The following DAB1 variants were observed in gnomAD, a reference collection of about 807,000 sequenced individuals.
The protein encoded by DAB1 is disabled homolog 1.
DAB1 carries 15 observed loss-of-function variants against 64.6 expected under a neutral mutation model. The ratio of observed to expected loss-of-function variants is 0.23; its 90% CI spans 0.16 to 0.36. The LOEUF (loss-of-function observed/expected upper bound fraction) is 0.36, where lower values mean the gene tolerates loss of function less well. DAB1 is among the 10% of genes least tolerant of loss of function. The pLI, the probability that DAB1 is intolerant of heterozygous loss-of-function variation, is 1.00. For missense variants in DAB1, 596 were observed against 706.7 expected, an observed-to-expected ratio of 0.84 and a Z score of 1.78; for synonymous variants, 235 against 251.9, an observed-to-expected ratio of 0.93 and a Z score of 0.64.
chr1:57,399,250 G>A (rs954829340), intron 1 of DAB1, among the ~76,000 whole-genome samples: 1 of 152,112 alleles, frequency 6.6e-6, no homozygotes, highest in African/African-American at 2.4e-5. Flanking sequence ...TGTGGACAGC[G>A]ACTGAATCTT....
chr1:57,233,429 A>G (rs994884204), intron 2 of DAB1, among the ~76,000 whole-genome samples: 1 of 150,208 alleles, frequency 6.7e-6, no homozygotes, highest in African/African-American at 2.4e-5. Flanking sequence ...CGCCTGGCTA[A>G]TTTTTTGCTT....
chr1:57,526,621 C>T (rs574778624), intron 7 of DAB1, among the ~76,000 whole-genome samples: 1 of 152,274 alleles, frequency 6.6e-6, no homozygotes, highest in African/African-American at 2.4e-5. Flanking sequence ...CTGAAGTGAT[C>T]CATTTATTGA....
chr1:57,050,566 C>G (rs1430988376), intron 9 of DAB1, among the ~76,000 whole-genome samples: 6 of 152,178 alleles, frequency 3.9e-5, no homozygotes, highest in Non-Finnish European at 8.8e-5. Context: ...GAATACTGTT[C>G]CACCCTTTCT....
At chr1:58,241,567 T>C (rs112247460) in intron 4 of DAB1, among the ~76,000 whole-genome samples, 103 of 152,006 alleles carry the variant, frequency 6.8e-4, no homozygotes, top group African/African-American at 2.3e-3. Context: ...TCATATATAA[T>C]GTAGATGAAA....
chr1:58,135,945 C>G (rs1653918925), intron 5 of DAB1, among the ~76,000 whole-genome samples: 1 of 152,150 alleles, frequency 6.6e-6, no homozygotes, highest in African/African-American at 2.4e-5. Flanking sequence ...TTCAGTTACC[C>G]TCTCTGCGGT....
At chr1:58,494,767 C>T (rs1050924243) in intron 3 of DAB1, among the ~76,000 whole-genome samples, 1 of 152,082 alleles carries the variant, frequency 6.6e-6, no homozygotes, top group Admixed American at 6.5e-5. Context: ...AGTCAGGAAA[C>T]TACAGGTGCT....
Position 57,011,221 on chromosome 1 carries a change from T to G in DAB1, c.1496A>C (p.His499Pro). ...QSSPSKSSAS[H>P]ASDPTTDDIF... is the part of the protein sequence containing the mutation. The stretch of plus-strand genomic sequence containing the variant: ...GTCATCTGTGGTAGGATCACTGGCA[T>G]GGGATGCAGATGATTTGGATGGAGA... The change falls in exon 13 of 15, where the codon CAT (histidine) becomes CCT (proline). Residue 499 changes from histidine to proline, a missense_variant. By Grantham distance (77) the His-to-Pro change is moderately conservative. Coordinates refer to ENST00000371236, the MANE Select transcript of DAB1 (RefSeq NM_001365792.1). 1 of 1,614,056 alleles carries G rather than the reference T, an allele frequency of 6.2e-7. No individual in the cohort carries two copies. Among genetic ancestry groups the G allele is most frequent in the Non-Finnish European group, 8.5e-7 (1 of 1,179,914 alleles).
intron 4 of DAB1, among the ~76,000 whole-genome samples, chr1:57,096,051 C>A (rs1376745036): frequency 1.3e-5 from 2 of 152,142 alleles, no homozygotes; most frequent in African/African-American, 4.8e-5. Flanking sequence ...ATGCTAAGAA[C>A]TTTGATGCAT....
intron 2 of DAB1, among the ~76,000 whole-genome samples, chr1:57,174,230 C>T (rs190333711): frequency 6.6e-6 from 1 of 152,086 alleles, no homozygotes; most frequent in South Asian, 2.1e-4. Flanking sequence ...CATGACTTAC[C>T]CCACCCTCTC....
intron 3 of DAB1, among the ~76,000 whole-genome samples, chr1:58,492,614 A>G (rs1645717714): frequency 6.6e-6 from 1 of 152,204 alleles, no homozygotes; most frequent in Admixed American, 6.5e-5. Flanking sequence ...AATACAAACT[A>G]CCATCAGAGA....
intron 4 of DAB1, among the ~76,000 whole-genome samples, chr1:58,272,609 A>G (rs1661332413): frequency 1.6e-5 from 2 of 124,534 alleles, no homozygotes; most frequent in East Asian, 5.4e-4. Flanking sequence ...TGATCTGTCT[A>G]ATGTTGACAG....
At chr1:57,687,441 T>C (rs1646711321) in intron 6 of DAB1, among the ~76,000 whole-genome samples, 1 of 152,032 alleles carries the variant, frequency 6.6e-6, no homozygotes, top group Non-Finnish European at 1.5e-5. Context: ...GAAGAATTAA[T>C]ATCATTAAAA....
chr1:58,072,578 G>A (rs1235420226), intron 5 of DAB1, among the ~76,000 whole-genome samples: 2 of 152,046 alleles, frequency 1.3e-5, no homozygotes, highest in Non-Finnish European at 2.9e-5. Flanking sequence ...AATCAAGTCA[G>A]ATAGATCTGT....
intron 1 of DAB1, among the ~76,000 whole-genome samples, chr1:57,849,522 C>A (rs751414969): frequency 6.6e-6 from 1 of 152,084 alleles, no homozygotes; most frequent in Non-Finnish European, 1.5e-5. Context: ...CAGTTGAAGG[C>A]GTGATTCACA....
At position 57,435,843 on chromosome 1, in the gene DAB1, CAT is replaced by C. The variant is rs370796117; in HGVS notation, n.626-144679_626-144678del. Among the ~76,000 whole-genome samples, 220 of 151,090 alleles carry C rather than the reference CAT, an allele frequency of 1.5e-3. 4 individuals are homozygous for C. The highest frequency in any genetic ancestry group is 5.1e-3 in the African/African-American group (212 of 41,178). On this transcript the variant is annotated intron_variant and non_coding_transcript_variant, in intron 7 of 20. Transcript: ENST00000485760. ...GTATAATAAATATATAGTCCAGAAACATAGTCATTTATTATAAGCATTAAATA... is the reference window on the plus strand; with the variant it reads ...GTATAATAAATATATAGTCCAGAAACAGTCATTTATTATAAGCATTAAATA...
downstream of DAB1, among the ~76,000 whole-genome samples, chr1:57,822,963 A>C (rs72916594): frequency 6.6e-6 from 1 of 150,606 alleles, no homozygotes; most frequent in Non-Finnish European, 1.5e-5. Flanking sequence ...CTTAGATAAA[A>C]TGAAGAAAAT....
intron 3 of DAB1, among the ~76,000 whole-genome samples, chr1:58,434,242 G>A (rs2100248364): frequency 6.6e-6 from 1 of 152,276 alleles, no homozygotes; most frequent in East Asian, 1.9e-4. Flanking sequence ...ATTAGCATAA[G>A]AGGCTATTGA....
rs542121394 is a variant in DAB1 at position 57,991,666 on chromosome 1, C to T, written n.388-107504G>A. On this transcript the variant is annotated intron_variant and non_coding_transcript_variant, in intron 5 of 20. Transcript: ENST00000485760. ...AGTTCAAGACCAGCCTGGCCAATGG[C>T]GAAACCCCATCTCCGCTAAAAATAC... is the stretch of plus-strand genomic sequence containing the variant. 7.9e-5 allele frequency among the ~76,000 whole-genome samples: 12 copies of T among 151,774 alleles called. No individual in the cohort carries two copies. The South Asian group carries it at 1.0e-3, about 13-fold the overall frequency.
At chr1:58,275,867 G>C (rs541079736) in intron 4 of DAB1, among the ~76,000 whole-genome samples, 28 of 152,286 alleles carry the variant, frequency 1.8e-4, no homozygotes, top group Non-Finnish European at 3.7e-4. Flanking sequence ...AGAGATATTT[G>C]TATATCAATG....
Sources: allele counts gnomAD v4.1 joint callset (sites outside exome capture counted in the v4.1 genomes callset), GRCh38; gene constraint gnomAD v4.1.1; transcripts MANE v1.5; gene names NCBI Gene and HGNC (gene_info 2026-07-23, HGNC 2026-07-21).